EMC1: variants seen among roughly 807,000 people sequenced by gnomAD.
EMC1 encodes the protein ER membrane protein complex subunit 1, also known as KIAA0090.
Under a neutral mutation model 128.8 loss-of-function variants are expected in EMC1, and 103 were observed. The observed-to-expected ratio is 0.80, with a 90% CI of 0.68 to 0.94. The LOEUF is 0.94. Among genes scored for constraint, EMC1 ranks in the 40% least tolerant of loss-of-function variants. The pLI is 0.00. For missense variants in EMC1, 1,083 were observed against 1,250.6 expected, an observed-to-expected ratio of 0.87 and a Z score of 2.02; for synonymous variants, 442 against 490.4, an observed-to-expected ratio of 0.90 and a Z score of 1.30.
At chr1:19,223,249 G>T in intron 19 of EMC1, 147 bp downstream of exon 19, 2 of 731,618 alleles carry the variant, frequency 2.7e-6, no homozygotes, top group Non-Finnish European at 4.7e-6. Flanking sequence ...TGATTCCTGA[G>T]CCCAGTGCCC....
intron 18 of EMC1, among the ~76,000 whole-genome samples, chr1:19,224,293 T>C (rs1558093485): frequency 6.6e-6 from 1 of 152,178 alleles, no homozygotes; most frequent in Non-Finnish European, 1.5e-5. Flanking sequence ...ATGCCCAATG[T>C]ATATATCCAA....
At chr1:19,243,539 AG>A (rs1266811010) in intron 4 of EMC1, 74 bp downstream of exon 4, 78 of 1,340,654 alleles carry the variant, frequency 5.8e-5, no homozygotes, top group Non-Finnish European at 7.9e-5. Flanking sequence ...AAAAGCCCAG[AG>A]TTGCTGTCTA....
intron 17 of EMC1, among the ~76,000 whole-genome samples, chr1:19,228,249 C>G (rs145982148): frequency 2.0e-5 from 3 of 151,246 alleles, no homozygotes; most frequent in Non-Finnish European, 4.4e-5. Flanking sequence ...GGAAAGGAGG[C>G]GAACGCTCAA....
In EMC1 at chr1:19,242,398, G is replaced by A. The variant is rs368001920; in HGVS notation, c.456C>T (p.Ala152=). 2 of 1,614,022 alleles carry A rather than the reference G, an allele frequency of 1.2e-6. No individual in the cohort carries two copies. The highest frequency in any genetic ancestry group is 2.7e-5 in the African/African-American group (2 of 74,902). ...YIAVLKKTTL[A]LHHLSSGHLK... is the part of the protein sequence containing the mutation. Reference sequence around the variant, plus strand: ...GGTGCCCACTGGAGAGGTGATGGAGGGCAAGTGTAGTCTTCTTCAGGACTG... The same window carrying A: ...GGTGCCCACTGGAGAGGTGATGGAGAGCAAGTGTAGTCTTCTTCAGGACTG... Residue 152 remains alanine (A), a synonymous_variant, in exon 5 of 23, where the codon GCC becomes GCT. Coordinates refer to ENST00000477853, the MANE Select transcript of EMC1 (RefSeq NM_015047.3).
chr1:19,226,612 C>T (rs183571863), intron 18 of EMC1, among the ~76,000 whole-genome samples: 11 of 151,918 alleles, frequency 7.2e-5, no homozygotes, highest in South Asian at 2.1e-4. Context: ...TGGAGTGCAG[C>T]GGCACAATTG....
Position 19,242,609 on chromosome 1 carries a change from C to T in EMC1, c.381-136G>A. Reference sequence around the variant, plus strand: ...GGGTCAAACACAGCTGGATCCTAACCCTGGCTCTGCCTCTTGTTAGTCAAC... The same window carrying T: ...GGGTCAAACACAGCTGGATCCTAACTCTGGCTCTGCCTCTTGTTAGTCAAC... On this transcript the variant is annotated intron_variant, in intron 4 of 22. Coordinates refer to ENST00000477853, the MANE Select transcript of EMC1 (RefSeq NM_015047.3). The T allele has an allele frequency of 5.7e-6, 5 of 869,578 alleles. 1 individual carries two copies. The highest frequency in any genetic ancestry group is 5.1e-5 in the African/African-American group (3 of 58,458). 53.9% of individuals were successfully genotyped at this position (869,578 alleles called of 1,614,324 possible).
At chr1:19,226,284 T>C (rs986297446) in intron 18 of EMC1, among the ~76,000 whole-genome samples, 3 of 152,118 alleles carry the variant, frequency 2.0e-5, no homozygotes, top group Non-Finnish European at 4.4e-5. Flanking sequence ...GGCTCGACTA[T>C]GGTTTAACCC....
chr1:19,224,325 C>T (rs983429747), intron 18 of EMC1, among the ~76,000 whole-genome samples: 4 of 152,164 alleles, frequency 2.6e-5, no homozygotes, highest in Non-Finnish European at 4.4e-5. Context: ...CTTTGAACTC[C>T]AGACTTCACT....
intron 7 of EMC1, 128 bp from the exon 8 acceptor site, chr1:19,240,113 C>A: frequency 8.2e-7 from 1 of 1,213,774 alleles, no homozygotes; most frequent in Non-Finnish European, 1.1e-6. Flanking sequence ...TCCAAATGCT[C>A]CAGTTCAAGT....
chr1:19,225,924 T>G (rs1251840804), intron 18 of EMC1, among the ~76,000 whole-genome samples: 1 of 152,280 alleles, frequency 6.6e-6, no homozygotes, highest in African/African-American at 2.4e-5. Flanking sequence ...AACAATCCTC[T>G]GACGTTGGTG....
At chr1:19,224,763 G>A (rs143707640) in intron 18 of EMC1, among the ~76,000 whole-genome samples, 12 of 152,338 alleles carry the variant, frequency 7.9e-5, no homozygotes, top group African/African-American at 2.6e-4. Context: ...GCTCCAAAGT[G>A]AAGGCCACGG....
rs182230851 is a variant in EMC1 at position 19,246,764 on chromosome 1, A to G, written c.96-1734T>C. Among the ~76,000 whole-genome samples the G allele has an allele frequency of 5.5e-3, 831 of 152,292 alleles. 4 individuals carry two copies. Among genetic ancestry groups the G allele is most frequent in the Non-Finnish European group, 8.8e-3 (598 of 68,032 alleles). ...CACTGTACTCCGGCGTGGGTGACAG[A>G]GCAAGACTCTGTCTCAAAACAATAA... On this transcript the variant is annotated intron_variant, in intron 1 of 22. Coordinates refer to ENST00000477853, the MANE Select transcript of EMC1 (RefSeq NM_015047.3).
intron 10 of EMC1, 55 bp from the exon 11 acceptor site, chr1:19,238,194 A>G (rs1205632696): frequency 6.3e-7 from 1 of 1,594,742 alleles, no homozygotes. Context: ...AGCAAAGCCC[A>G]CCAAAGGAAG....
At position 19,224,396 on chromosome 1, in the gene EMC1, T is replaced by G. The variant is rs2093455713; in HGVS notation, c.2203-827A>C. On this transcript the variant is annotated intron_variant, in intron 18 of 22. Coordinates refer to ENST00000477853, the MANE Select transcript of EMC1 (RefSeq NM_015047.3). ...ATCTGAAACTTAACATGGCCCAAGCTGAACTGTTCTAACTCCTGCCTAAAA... is the reference window on the plus strand; with the variant it reads ...ATCTGAAACTTAACATGGCCCAAGCGGAACTGTTCTAACTCCTGCCTAAAA... 3.3e-5 allele frequency among the ~76,000 whole-genome samples: 5 copies of G among 152,304 alleles called. No homozygotes were observed. The South Asian group carries it at 1.0e-3, about 32-fold the overall frequency.
At chr1:19,230,439 G>A (rs921158734) in intron 17 of EMC1, among the ~76,000 whole-genome samples, 4 of 151,696 alleles carry the variant, frequency 2.6e-5, no homozygotes, top group African/African-American at 4.8e-5. Flanking sequence ...GCGCGGTGGC[G>A]CACGCCTGTA....
chr1:19,243,441 C>T (rs144717480), intron 4 of EMC1, among the ~76,000 whole-genome samples, 173 bp downstream of exon 4: 77 of 152,266 alleles, frequency 5.1e-4, no homozygotes, highest in Non-Finnish European at 8.7e-4. Flanking sequence ...ATCTAACAGG[C>T]GCTCAATACA....
At chr1:19,220,628 T>G in intron 21 of EMC1, 136 bp downstream of exon 21, 1 of 592,550 alleles carries the variant, frequency 1.7e-6, no homozygotes, top group Non-Finnish European at 2.9e-6. Flanking sequence ...GCAGGTGACT[T>G]TTTCAGACTT....
At position 19,219,691 on chromosome 1, in the gene EMC1, TCTC is replaced by T. The variant is rs756275805; in HGVS notation, c.2677_2679del (p.Glu893del). 4.3e-6 allele frequency: 7 copies of T among 1,613,816 alleles called. No individual in the cohort carries two copies. The highest frequency in any genetic ancestry group is 2.2e-5 in the East Asian group (1 of 44,844). On this transcript the variant is annotated inframe_deletion, in exon 22 of 23. Transcript: ENST00000477853. ...ACATCTGGAGAATACGGGATTAAGTTCTCCTCTCTGCAAAACACCAGCCGGGAC... is the reference window on the plus strand; with the variant it reads ...ACATCTGGAGAATACGGGATTAAGTTCTCTCTGCAAAACACCAGCCGGGAC...
chr1:19,230,468 T>C (rs571783701), intron 17 of EMC1, among the ~76,000 whole-genome samples: 64 of 151,962 alleles, frequency 4.2e-4, no homozygotes, highest in African/African-American at 1.5e-3. Context: ...TACTTGGGTG[T>C]CTGAGGCAGG....
Sources: allele counts gnomAD v4.1 joint callset (sites outside exome capture counted in the v4.1 genomes callset), GRCh38; gene constraint gnomAD v4.1.1; transcripts MANE v1.5; gene names NCBI Gene and HGNC (gene_info 2026-07-23, HGNC 2026-07-21).